The following FAF1 variants were observed in gnomAD, a reference collection of about 807,000 sequenced individuals.
FAF1 encodes the protein Fas associated factor 1, also known as FAS-associated factor 1.
FAF1 carries 25 observed loss-of-function variants against 92.5 expected under a neutral mutation model. The observed-to-expected ratio is 0.27, with a 90% CI of 0.20 to 0.38. The LOEUF (loss-of-function observed/expected upper bound fraction) is 0.38, where lower values mean the gene tolerates loss of function less well. FAF1 is among the 10% of genes least tolerant of loss of function. The probability of loss-of-function intolerance (pLI) is 1.00; values close to 1 mark genes in which losing one functional copy is unlikely to be tolerated. For missense variants in FAF1, 636 were observed against 793.3 expected, an observed-to-expected ratio of 0.80 and a Z score of 2.38; for synonymous variants, 234 against 273.2, an observed-to-expected ratio of 0.86 and a Z score of 1.42.
At chr1:50,711,393 C>A (rs1657921018) in intron 6 of FAF1, among the ~76,000 whole-genome samples, 1 of 150,458 alleles carries the variant, frequency 6.6e-6, no homozygotes, top group African/African-American at 2.4e-5. Flanking sequence ...GGCAGGAGTT[C>A]ATACAGAATA....
chr1:50,687,429 A>G (rs1348119984), intron 7 of FAF1, among the ~76,000 whole-genome samples: 4 of 151,944 alleles, frequency 2.6e-5, no homozygotes, highest in Non-Finnish European at 5.9e-5. Flanking sequence ...AAGAAGTTCT[A>G]TAAATGGTCA....
intron 2 of FAF1, among the ~76,000 whole-genome samples, chr1:50,811,426 G>C (rs1207971290): frequency 6.6e-6 from 1 of 152,106 alleles, no homozygotes; most frequent in African/African-American, 2.4e-5. Context: ...TCCAAGCTGA[G>C]AGTCAATACA....
In FAF1 at chr1:50,437,066, CCAAA is replaced by C. The variant is rs1646135044; in HGVS notation, c.*4370_*4373del. 1.3e-5 allele frequency: 2 copies of C among 152,290 alleles called. No individual in the cohort carries two copies. Among genetic ancestry groups the C allele is most frequent in the Middle Eastern group, 3.4e-3 (1 of 294 alleles). 9.4% of individuals were successfully genotyped at this position (152,290 alleles called of 1,614,324 possible). A position where few individuals can be genotyped will look rare whatever the true frequency, so the allele number is the denominator to read the frequency against. On this transcript the variant is annotated 3_prime_UTR_variant, in exon 19 of 19. Coordinates refer to ENST00000396153, the MANE Select transcript of FAF1 (RefSeq NM_007051.3). ...TCTTTTATTAATATTTTCTTTCAGA[CCAAA>C]CTTTCAAAATGCAACAGTGAGGAGC...
intron 4 of FAF1, among the ~76,000 whole-genome samples, chr1:50,777,788 T>C (rs1432665423): frequency 6.7e-6 from 1 of 150,258 alleles, no homozygotes; most frequent in African/African-American, 2.4e-5. Flanking sequence ...GGAATATGAC[T>C]AAAATTGAAA....
intron 18 of FAF1, among the ~76,000 whole-genome samples, chr1:50,452,602 A>G (rs566435728): frequency 1.3e-5 from 2 of 152,334 alleles, no homozygotes; most frequent in South Asian, 4.1e-4. Context: ...GTTGGTCCAT[A>G]ATGCTAACCA....
At chr1:50,690,423 T>C (rs1442327477) in intron 7 of FAF1, among the ~76,000 whole-genome samples, 1 of 152,024 alleles carries the variant, frequency 6.6e-6, no homozygotes, top group Non-Finnish European at 1.5e-5. Flanking sequence ...GCCAACATGG[T>C]GAAACCCTCT....
At position 50,527,827 on chromosome 1, in the gene FAF1, CT is replaced by C. The variant is rs1647897826; in HGVS notation, c.1494+7541del. Among the ~76,000 whole-genome samples the C allele has an allele frequency of 3.1e-5, 4 of 128,572 alleles. No homozygotes were observed. In the Admixed American group the frequency reaches 3.2e-4, roughly 10 times the overall value. The allele number at this position is 128,572 out of a possible 152,430, so 84.3% of individuals were successfully genotyped here. ...TACTCTGCTGTCTCTCTCTCTCTCT[CT>C]CTCTCTCTCTCTCTCCCTCTCTCCC... On this transcript the variant is annotated intron_variant, in intron 15 of 18. Coordinates refer to ENST00000396153, the MANE Select transcript of FAF1 (RefSeq NM_007051.3).
intron 2 of FAF1, among the ~76,000 whole-genome samples, chr1:50,818,193 T>G: frequency 6.6e-6 from 1 of 152,122 alleles, no homozygotes; most frequent in African/African-American, 2.4e-5. Flanking sequence ...CACAAAAAAT[T>G]CCATCTTAAA....
intron 4 of FAF1, among the ~76,000 whole-genome samples, chr1:50,774,002 T>C (rs1660865609): frequency 1.3e-5 from 2 of 152,198 alleles, no homozygotes; most frequent in Admixed American, 6.5e-5. Flanking sequence ...TTCTAACGCA[T>C]AAATAAACTA....
intron 1 of FAF1, among the ~76,000 whole-genome samples, chr1:50,954,586 G>A (rs1272294395): frequency 6.8e-6 from 1 of 147,146 alleles, no homozygotes; most frequent in East Asian, 2.0e-4. Context: ...TGTCACCCAG[G>A]CTGGAGTGAG....
chr1:50,788,535 C>T (rs763836370), intron 3 of FAF1, among the ~76,000 whole-genome samples: 1 of 152,158 alleles, frequency 6.6e-6, no homozygotes, highest in Non-Finnish European at 1.5e-5. Flanking sequence ...CTTCTTCACT[C>T]ACTCTCATTT....
At chr1:50,459,746 C>T (rs1646402353) in intron 18 of FAF1, among the ~76,000 whole-genome samples, 1 of 152,174 alleles carries the variant, frequency 6.6e-6, no homozygotes. Flanking sequence ...CTACTTTAAT[C>T]CTTCCTAATC....
chr1:50,702,949 C>G (rs949020824), intron 7 of FAF1, among the ~76,000 whole-genome samples: 1 of 151,624 alleles, frequency 6.6e-6, no homozygotes, highest in African/African-American at 2.4e-5. Flanking sequence ...AGAAATTTCC[C>G]TCTGGGTGAA....
At chr1:50,670,921 C>T (rs1219348133) in intron 7 of FAF1, among the ~76,000 whole-genome samples, 1 of 151,876 alleles carries the variant, frequency 6.6e-6, no homozygotes, top group East Asian at 1.9e-4. Flanking sequence ...CAGAGTAAGA[C>T]TGCCTCAAAT....
chr1:50,536,225 A>T (rs1417245911), intron 14 of FAF1, among the ~76,000 whole-genome samples: 2 of 152,212 alleles, frequency 1.3e-5, no homozygotes, highest in African/African-American at 2.4e-5. Context: ...ATGTCATTTT[A>T]TTCCAACCGA....
chr1:50,720,439 T>A (rs1157023560), intron 6 of FAF1, among the ~76,000 whole-genome samples: 4 of 152,216 alleles, frequency 2.6e-5, no homozygotes, highest in African/African-American at 9.6e-5. Context: ...ATGAAATTAC[T>A]TTAAGAATAA....
At chr1:50,451,658 T>C (rs985857006) in intron 18 of FAF1, 3 of 165,280 alleles carry the variant, frequency 1.8e-5, no homozygotes, top group Non-Finnish European at 2.5e-5. Flanking sequence ...GAGTGTATTA[T>C]TACCTTAGGC....
chr1:50,843,975 G>A (rs1480927525), intron 2 of FAF1, among the ~76,000 whole-genome samples: 1 of 152,092 alleles, frequency 6.6e-6, no homozygotes, highest in African/African-American at 2.4e-5. Context: ...CATAATGGCT[G>A]TACTAATTTA....
chr1:50,897,416 A>C (rs1444330654), intron 1 of FAF1, among the ~76,000 whole-genome samples: 2 of 152,366 alleles, frequency 1.3e-5, no homozygotes, highest in East Asian at 3.9e-4. Flanking sequence ...AAATAAATGG[A>C]TAAACATGTA....
Sources: gnomAD v4.1 joint callset for allele counts (sites outside exome capture counted in the v4.1 genomes callset) on GRCh38, gnomAD v4.1.1 for gene constraint, MANE v1.5 for transcripts, NCBI Gene and HGNC (gene_info 2026-07-23, HGNC 2026-07-21) for gene names.